The following FAM193B variants were observed in gnomAD, a reference collection of about 807,000 sequenced individuals.
FAM193B encodes the protein protein FAM193B.
FAM193B carries 27 observed loss-of-function variants against 70.7 expected under a neutral mutation model. The ratio of observed to expected loss-of-function variants is 0.38; its 90% CI spans 0.28 to 0.53. The LOEUF is 0.53. Among genes scored for constraint, FAM193B ranks in the 20% least tolerant of loss-of-function variants. FAM193B has a pLI of 0.81. For missense variants in FAM193B, 1,022 were observed against 1,072.5 expected, an observed-to-expected ratio of 0.95 and a Z score of 0.66; for synonymous variants, 448 against 436.0, an observed-to-expected ratio of 1.03 and a Z score of -0.34.
Position 177,538,014 on chromosome 5 carries a change from A to G in FAM193B, c.547T>C (p.Ser183Pro), listed in dbSNP as rs1384220460. Residue 183 changes from serine (S) to proline (P), a missense_variant, in exon 3 of 9, where the codon TCC becomes CCC. Coordinates refer to ENST00000514747, the MANE Select transcript of FAM193B (RefSeq NM_001190946.3). This position sits in a 1 kb window ranked among gnomAD's most constrained non-coding sequence, Gnocchi z 4.1. Reference protein sequence around the residue: ...SSSSSSSSSSSSSCPGNSGDW... With the variant: ...SSSSSSSSSSPSSCPGNSGDW... ...CCCGAGTTCCCAGGGCAGGAAGAGG[A>G]GGACGAGGATGAGGATGATGAGGAG... 1 of 1,556,562 alleles carries G rather than the reference A, an allele frequency of 6.4e-7. No individual in the cohort carries two copies. The highest frequency in any genetic ancestry group is 2.4e-5 in the East Asian group (1 of 41,402).
At chr5:177,525,265 C>T in intron 5 of FAM193B, 60 bp from the exon 6 acceptor site, 1 of 1,374,358 alleles carries the variant, frequency 7.3e-7, no homozygotes, top group East Asian at 2.7e-5. Context: ...CAATGTGATA[C>T]CTGACCCATC....
At chr5:177,528,316 A>G (rs1762932973) in intron 5 of FAM193B, among the ~76,000 whole-genome samples, 1 of 152,150 alleles carries the variant, frequency 6.6e-6, no homozygotes, top group African/African-American at 2.4e-5. Context: ...GCAATGAGCT[A>G]ATGGGTGGAA....
At chr5:177,523,617 C>T in intron 7 of FAM193B, among the ~76,000 whole-genome samples, 1 of 152,380 alleles carries the variant, frequency 6.6e-6, no homozygotes, top group East Asian at 1.9e-4. Flanking sequence ...CATGGCCAGA[C>T]TCCTGGTCTA....
chr5:177,549,189 T>TTTC (rs2127491150), intron 1 of FAM193B, among the ~76,000 whole-genome samples: 1 of 4,226 alleles, frequency 2.4e-4, no homozygotes, highest in Non-Finnish European at 1.5e-3. Flanking sequence ...TGTCTTTTCT[T>TTTC]TTTTTTTTTT....
intron 5 of FAM193B, among the ~76,000 whole-genome samples, chr5:177,526,384 C>T (rs1762603215): frequency 6.6e-6 from 1 of 152,128 alleles, no homozygotes; most frequent in Admixed American, 6.5e-5. Flanking sequence ...CTTCGTGGCC[C>T]TCAGGGAGCA....
intron 1 of FAM193B, among the ~76,000 whole-genome samples, chr5:177,548,055 ATAAAGTAG>A (rs1765680788): frequency 6.6e-6 from 1 of 152,168 alleles, no homozygotes; most frequent in Non-Finnish European, 1.5e-5. Flanking sequence ...GACCAAATAC[ATAAAGTAG>A]TCACACCTTC....
rs747801721 is a variant in FAM193B, at chr5:177,536,460, G to A, written c.974C>T (p.Pro325Leu). 4.5e-5 allele frequency: 72 copies of A among 1,587,768 alleles called. No individual in the cohort carries two copies. The highest frequency in any genetic ancestry group is 9.6e-5 in the Admixed American group (5 of 51,980). Reference sequence around the variant, plus strand: ...GCAGGGGTGGCTGCACCCCGAGAATGGTGGGGGCATCTTCAGGAGCGGCAT... The same window carrying A: ...GCAGGGGTGGCTGCACCCCGAGAATAGTGGGGGCATCTTCAGGAGCGGCAT... ...TSMPLLKMPP[P>L]FSGCSHPCSG... The change falls in exon 4 of 9, where the codon CCA becomes CTA. Residue 325 changes from proline to leucine, a missense_variant. Physicochemically the swap from Pro to Leu is moderately conservative, Grantham distance 98. Transcript: ENST00000514747.
intron 1 of FAM193B, chr5:177,553,444 G>A: frequency 9.2e-7 from 1 of 1,082,480 alleles, no homozygotes; most frequent in Non-Finnish European, 1.1e-6. Context: ...AACCCTCCCA[G>A]AGCAACCGTG....
At chr5:177,547,683 A>C (rs1765633421) in intron 1 of FAM193B, among the ~76,000 whole-genome samples, 1 of 152,172 alleles carries the variant, frequency 6.6e-6, no homozygotes, top group Admixed American at 6.5e-5. Context: ...TAACTTCCTA[A>C]TAAAACCTTC....
At chr5:177,549,092 AC>A (rs1230794742) in intron 1 of FAM193B, among the ~76,000 whole-genome samples, 1 of 151,974 alleles carries the variant, frequency 6.6e-6, no homozygotes, top group East Asian at 1.9e-4. Context: ...CAACCCTGAC[AC>A]CAAATATCTA....
At chr5:177,552,779 A>G (rs929289356) in intron 1 of FAM193B, among the ~76,000 whole-genome samples, 4 of 152,212 alleles carry the variant, frequency 2.6e-5, no homozygotes, top group Non-Finnish European at 5.9e-5. Flanking sequence ...GGAGCTTCTG[A>G]CACTCAGTAA....
chr5:177,527,618 C>T (rs80306105), intron 5 of FAM193B, among the ~76,000 whole-genome samples: 70 of 152,342 alleles, frequency 4.6e-4, no homozygotes, highest in African/African-American at 1.3e-3. Context: ...CAACAATCTA[C>T]GACTTAGGTT....
intron 1 of FAM193B, among the ~76,000 whole-genome samples, chr5:177,549,742 T>C (rs1765954620): frequency 6.6e-6 from 1 of 152,238 alleles, no homozygotes; most frequent in Non-Finnish European, 1.5e-5. Context: ...GGTTAGTGTC[T>C]GCACAATAAA....
chr5:177,536,618 TG>T lies in FAM193B; in HGVS notation c.815del (p.Pro272HisfsTer49). On this transcript the variant is annotated frameshift_variant, in exon 4 of 9. Transcript: ENST00000514747. LOFTEE classifies it high-confidence loss of function. ...TGGTGGGCAGCAGGTGTGGGTGGGG[TG>T]GGGAGCCAAAGGAGCTGGGGTGAGA... Reference protein sequence around the residue: ...IPSHPSSFGSPPHPHLLPTTP... With the variant: ...IPSHPSSFGSXPHPHLLPTTP... 1 of 1,527,770 alleles carries T rather than the reference TG, an allele frequency of 6.5e-7. No homozygotes were observed. The highest frequency in any genetic ancestry group is 8.7e-7 in the Non-Finnish European group (1 of 1,145,408). The allele number at this position is 1,527,770 out of a possible 1,614,324, so 94.6% of individuals were successfully genotyped here.
intron 5 of FAM193B, chr5:177,531,234 G>A (rs963351806): frequency 8.2e-7 from 1 of 1,223,268 alleles, no homozygotes; most frequent in Non-Finnish European, 1.1e-6. Context: ...TTGGGGCGAG[G>A]GTCCTCAGGG....
At chr5:177,553,616 G>A (rs964746160) in intron 1 of FAM193B, 11 of 1,222,894 alleles carry the variant, frequency 9.0e-6, no homozygotes, top group Middle Eastern at 2.7e-4. Flanking sequence ...GGATCTCAAG[G>A]TCGGGGTGGG....
In FAM193B at chr5:177,532,286, C is replaced by A; in HGVS notation, c.1275+157G>T. The A allele has an allele frequency of 6.7e-7, 1 of 1,485,134 alleles. No homozygotes were observed. The highest frequency in any genetic ancestry group is 1.3e-5 in the South Asian group (1 of 76,576). The allele number at this position is 1,485,134 out of a possible 1,614,324, so 92.0% of individuals were successfully genotyped here. On this transcript the variant is annotated intron_variant, in intron 5 of 8. Transcript: ENST00000514747. The surrounding 1 kb of genome is among the most constrained non-coding windows in gnomAD (Gnocchi z 4.9). The stretch of plus-strand genomic sequence containing the variant: ...TAAAAACCCCTACCTCACAAATGTG[C>A]TGTGAGGATCAAGCGAGCAGACGCA...
chr5:177,523,864 G>C lies in FAM193B; in HGVS notation c.2372+93C>G, dbSNP rs918812250. ...CCAAGGGGTCAGGGCCAAGGGAGCAGGCCTTTCTGAGGCTTGAGGCACAAC... is the reference window on the plus strand; with the variant it reads ...CCAAGGGGTCAGGGCCAAGGGAGCACGCCTTTCTGAGGCTTGAGGCACAAC... On this transcript the variant is annotated intron_variant, in intron 7 of 8. Coordinates refer to ENST00000514747, the MANE Select transcript of FAM193B (RefSeq NM_001190946.3). The C allele has an allele frequency of 1.8e-5, 25 of 1,421,246 alleles. No individual in the cohort carries two copies. In the South Asian group the frequency reaches 2.7e-4, roughly 15 times the overall value. 88.0% of individuals were successfully genotyped at this position (1,421,246 alleles called of 1,614,324 possible). A position where few individuals can be genotyped will look rare whatever the true frequency, so the allele number is the denominator to read the frequency against.
At position 177,524,783 on chromosome 5, in the gene FAM193B, TGGTGGG is replaced by T; in HGVS notation, c.1692_1697del (p.His564_Pro566delinsGln). 1 of 1,519,298 alleles carries T rather than the reference TGGTGGG, an allele frequency of 6.6e-7. No individual in the cohort carries two copies. Among genetic ancestry groups the T allele is most frequent in the South Asian group, 1.3e-5 (1 of 75,334 alleles). The allele number at this position is 1,519,298 out of a possible 1,614,324, so 94.1% of individuals were successfully genotyped here. On this transcript the variant is annotated inframe_deletion, in exon 6 of 9. Transcript: ENST00000514747. ...GAGGGGGCCCCCTCACCTCTGTCCA[TGGTGGG>T]TGGGGGCCTCTCATTTCTGCCCATG...
Sources: gnomAD v4.1 joint callset for allele counts (sites outside exome capture counted in the v4.1 genomes callset) on GRCh38, gnomAD v4.1.1 for gene constraint, Gnocchi (gnomAD v3.1) non-coding constraint, MANE v1.5 for transcripts, NCBI Gene and HGNC (gene_info 2026-07-23, HGNC 2026-07-21) for gene names.